SGSM2: variants seen among roughly 807,000 people sequenced by gnomAD.
SGSM2 encodes small G protein signaling modulator 2.
Under a neutral mutation model 126.6 loss-of-function variants are expected in SGSM2, and 89 were observed. The observed-to-expected ratio is 0.70, with a 90% CI of 0.59 to 0.84. SGSM2 has a LOEUF of 0.84. Ranked by LOEUF, SGSM2 falls within the 40% of genes least tolerant of loss-of-function variation. SGSM2 has a pLI of 0.00. For missense variants in SGSM2, 1,404 were observed against 1,416.6 expected (o/e 0.99, Z 0.14); for synonymous variants, 614 against 574.3 (o/e 1.07, Z -0.99).
At position 2,367,374 on chromosome 17, in the gene SGSM2, G is replaced by T. The variant is rs141943175; in HGVS notation, c.1392G>T (p.Ser464=). The T allele has an allele frequency of 1.1e-5, 18 of 1,614,072 alleles. No homozygotes were observed. In the African/African-American group the frequency reaches 2.1e-4, roughly 19 times the overall value. The change falls in exon 12 of 24, where the codon TCG becomes TCT. Residue 464 remains serine (S), a synonymous_variant. Transcript: ENST00000268989. The surrounding 1 kb of genome is among the most constrained non-coding windows in gnomAD (Gnocchi z 4.0). ...ACGCGATGCTCTCAATGATCTGCTCGCGGAACCTCACAGCTCCCAATCCGA... is the reference window on the plus strand; with the variant it reads ...ACGCGATGCTCTCAATGATCTGCTCTCGGAACCTCACAGCTCCCAATCCGA... ...KLHAMLSMIC[S]RNLTAPNPMK...
chr17:2,373,709 G>A (rs2065994861), intron 17 of SGSM2, 196 bp downstream of exon 17: 2 of 590,094 alleles, frequency 3.4e-6, no homozygotes, highest in Non-Finnish European at 6.0e-6. Context: ...GGTATTGTAG[G>A]AATAAAGTGA....
rs1284986733 is a variant in SGSM2, at chr17:2,371,618, T to A, written c.1577+203T>A. 21 of 605,824 alleles carry A rather than the reference T, an allele frequency of 3.5e-5. No individual in the cohort carries two copies. The East Asian group carries it at 6.6e-4, about 19-fold the overall frequency. 37.5% of individuals were successfully genotyped at this position (605,824 alleles called of 1,614,324 possible). A position where few individuals can be genotyped will look rare whatever the true frequency, so the allele number is the denominator to read the frequency against. On this transcript the variant is annotated intron_variant, in intron 13 of 23. Transcript: ENST00000268989. Reference sequence around the variant, plus strand: ...GCCTCTACGTTTCTGAACCTCAGTTTCCTCATCTGTAAAATGGGGATGATG... The same window carrying A: ...GCCTCTACGTTTCTGAACCTCAGTTACCTCATCTGTAAAATGGGGATGATG...
In SGSM2 at chr17:2,376,272, G is replaced by A; in HGVS notation, c.2609+11G>A. On this transcript the variant is annotated intron_variant, in intron 19 of 23. Coordinates refer to ENST00000268989, the MANE Select transcript of SGSM2 (RefSeq NM_014853.3). ...AGACGTCATGTGCAGGTGCCTTGTGGGGCGGGGCTCAGGGTGGGAGGCGGG... is the reference window on the plus strand; with the variant it reads ...AGACGTCATGTGCAGGTGCCTTGTGAGGCGGGGCTCAGGGTGGGAGGCGGG... 3 of 1,613,472 alleles carry A rather than the reference G, an allele frequency of 1.9e-6. No individual in the cohort carries two copies. Among genetic ancestry groups the A allele is most frequent in the Non-Finnish European group, 2.5e-6 (3 of 1,179,984 alleles).
Position 2,362,210 on chromosome 17 carries a change from G to T in SGSM2, c.398G>T (p.Arg133Leu). Reference protein sequence around the residue: ...SPQALKHVWVRTALIEKVLDK... With the variant: ...SPQALKHVWVLTALIEKVLDK... ...CAGGCCTTGAAACACGTATGGGTACGCACGGCGCTCATCGAGAAAGTTCTG... is the reference window on the plus strand; with the variant it reads ...CAGGCCTTGAAACACGTATGGGTACTCACGGCGCTCATCGAGAAAGTTCTG... Residue 133 changes from arginine (R) to leucine (L), a missense_variant, in exon 4 of 24, where the codon CGC becomes CTC. Physicochemically the swap from Arg to Leu is moderately radical, Grantham distance 102. Coordinates refer to ENST00000268989, the MANE Select transcript of SGSM2 (RefSeq NM_014853.3). The surrounding 1 kb of genome is among the most constrained non-coding windows in gnomAD (Gnocchi z 4.9). 1 of 1,613,742 alleles carries T rather than the reference G, an allele frequency of 6.2e-7. No homozygotes were observed.
rs755622217 is a variant in SGSM2, at chr17:2,375,840, G to A, written c.2449G>A (p.Glu817Lys). ...TCAGGCCGGAGAACTGGAGGCCGGA[G>A]AGGAGCTTGCGGCTGTGTGTGCGGC... ...KPQAGELEAGEELAAVCAAAY... is the reference protein window; with the variant it reads ...KPQAGELEAGKELAAVCAAAY... The change falls in exon 18 of 24, where the codon GAG (glutamate) becomes AAG (lysine). Residue 817 changes from glutamate (E) to lysine (K), a missense_variant. By Grantham distance (56) the Glu-to-Lys change is moderately conservative (BLOSUM62 1). Coordinates refer to ENST00000268989, the MANE Select transcript of SGSM2 (RefSeq NM_014853.3). The A allele has an allele frequency of 6.5e-7, 1 of 1,536,658 alleles. No individual in the cohort carries two copies.
In SGSM2 at chr17:2,380,702, C is replaced by T; in HGVS notation, c.*1182C>T. On this transcript the variant is annotated 3_prime_UTR_variant, in exon 24 of 24. Coordinates refer to ENST00000268989, the MANE Select transcript of SGSM2 (RefSeq NM_014853.3). ...CCCAACACATGCAGGCTAGGCCTTG[C>T]CCTGGAACATGGAGGCCCTGCCCGG... The T allele has an allele frequency of 3.7e-6, 1 of 269,448 alleles. No individual in the cohort carries two copies. The highest frequency in any genetic ancestry group is 1.0e-4 in the East Asian group (1 of 9,826). 16.7% of individuals were successfully genotyped at this position (269,448 alleles called of 1,614,324 possible).
At chr17:2,348,530 T>C (rs1284612712) in intron 2 of SGSM2, among the ~76,000 whole-genome samples, 1 of 152,096 alleles carries the variant, frequency 6.6e-6, no homozygotes, top group Non-Finnish European at 1.5e-5. Context: ...CCTCACTCTA[T>C]CTTGGGGCAT....
intron 2 of SGSM2, among the ~76,000 whole-genome samples, chr17:2,352,997 T>G (rs1333502833): frequency 6.6e-6 from 1 of 151,750 alleles, no homozygotes; most frequent in Non-Finnish European, 1.5e-5. Context: ...CAGGATGGTC[T>G]GGATCTCCTG....
At position 2,365,234 on chromosome 17, in the gene SGSM2, T is replaced by C; in HGVS notation, c.1181T>C (p.Leu394Pro). The C allele has an allele frequency of 6.2e-7, 1 of 1,612,592 alleles. No homozygotes were observed. Among genetic ancestry groups the C allele is most frequent in the South Asian group, 1.1e-5 (1 of 90,820 alleles). Residue 394 changes from leucine to proline, a missense_variant, in exon 11 of 24, where the codon CTA (leucine) becomes CCA (proline). Leu to Pro is a moderately conservative substitution (Grantham distance 98). Transcript: ENST00000268989. ...QQGKGKVFPK[L>P]RKRSSIRSVD... is the part of the protein sequence containing the mutation. Reference sequence around the variant, plus strand: ...CCACAGGGGAAAGTGTTCCCCAAGCTACGGAAACGAAGCAGCATTCGCTCC... The same window carrying C: ...CCACAGGGGAAAGTGTTCCCCAAGCCACGGAAACGAAGCAGCATTCGCTCC...
rs1349898227 is a variant in SGSM2, at chr17:2,373,095, G to C, written c.1917+14G>C. ...GAGATGGAGCAGGTGAGGGGAGCCTGTTCCCATGGGGCTGATGAGATGGGG... is the reference window on the plus strand; with the variant it reads ...GAGATGGAGCAGGTGAGGGGAGCCTCTTCCCATGGGGCTGATGAGATGGGG... On this transcript the variant is annotated intron_variant, in intron 16 of 23. Transcript: ENST00000268989. The C allele has an allele frequency of 6.3e-7, 1 of 1,596,334 alleles. No homozygotes were observed. Among genetic ancestry groups the C allele is most frequent in the Non-Finnish European group, 8.5e-7 (1 of 1,172,962 alleles).
intron 1 of SGSM2, among the ~76,000 whole-genome samples, chr17:2,338,365 T>G (rs976253393): frequency 6.6e-6 from 1 of 152,144 alleles, no homozygotes; most frequent in Non-Finnish European, 1.5e-5. Context: ...GCCCCCCTAC[T>G]TCAGAAAGAG....
chr17:2,380,251 G>T lies in SGSM2; in HGVS notation c.*731G>T, dbSNP rs2066357955. The T allele has an allele frequency of 6.5e-7, 1 of 1,535,866 alleles. No homozygotes were observed. Among genetic ancestry groups the T allele is most frequent in the Admixed American group, 2.0e-5 (1 of 50,966 alleles). The stretch of plus-strand genomic sequence containing the variant: ...GCCTCGCTCCTGCCACCCCACCCTT[G>T]CGTTCTGCATTAGGTACTTCCCTGA... On this transcript the variant is annotated 3_prime_UTR_variant, in exon 24 of 24. Coordinates refer to ENST00000268989, the MANE Select transcript of SGSM2 (RefSeq NM_014853.3).
At position 2,375,779 on chromosome 17, in the gene SGSM2, T is replaced by C; in HGVS notation, c.2388T>C (p.Thr796=). The change falls in exon 18 of 24, where the codon ACT becomes ACC. Residue 796 remains threonine (T), a synonymous_variant. Coordinates refer to ENST00000268989, the MANE Select transcript of SGSM2 (RefSeq NM_014853.3). ...GSSGPGPAAH[T]LREPQDPSQE... ...GTGGGCCCGGCCCTGCAGCTCACAC[T>C]TTGAGGGAGCCCCAGGATCCCAGCC... The C allele has an allele frequency of 6.3e-7, 1 of 1,586,648 alleles. No homozygotes were observed. Among genetic ancestry groups the C allele is most frequent in the Non-Finnish European group, 8.6e-7 (1 of 1,165,858 alleles).
intron 21 of SGSM2, 98 bp from the exon 22 acceptor site, chr17:2,377,759 G>A: frequency 1.3e-6 from 1 of 761,694 alleles, no homozygotes; most frequent in South Asian, 1.5e-5. Context: ...CCAGGTTGGG[G>A]ATCGCCTGCA....
At position 2,361,691 on chromosome 17, in the gene SGSM2, T is replaced by C. The variant is rs1419888165; in HGVS notation, c.188T>C (p.Leu63Pro). ...CTGAGACGCCGTGCCGCTGGCTTCC[T>C]GCGCAGTGACAAGATGGCAGCCCTG... Reference protein sequence around the residue: ...HQLRRRAAGFLRSDKMAALFT... With the variant: ...HQLRRRAAGFPRSDKMAALFT... Residue 63 changes from leucine (L) to proline (P), a missense_variant, in exon 3 of 24, where the codon CTG becomes CCG. Transcript: ENST00000268989. 3.7e-6 allele frequency: 6 copies of C among 1,613,908 alleles called. No homozygotes were observed. The Admixed American group carries it at 1.0e-4, about 27-fold the overall frequency.
chr17:2,370,252 C>G (rs1261094166), intron 12 of SGSM2, among the ~76,000 whole-genome samples: 2 of 152,268 alleles, frequency 1.3e-5, no homozygotes, highest in Non-Finnish European at 2.9e-5. Flanking sequence ...GCATCACCCC[C>G]CAGTGCTTCC....
Position 2,379,960 on chromosome 17 carries a change from AG to A in SGSM2, c.*441del. ...GTGTCCCTTCTGAGGGTCCCTTTGC[AG>A]TCCCAGTATATTGTGCGTGCACCAG... On this transcript the variant is annotated 3_prime_UTR_variant, in exon 24 of 24. Coordinates refer to ENST00000268989, the MANE Select transcript of SGSM2 (RefSeq NM_014853.3). The A allele has an allele frequency of 1.5e-6, 2 of 1,336,376 alleles. No homozygotes were observed. The highest frequency in any genetic ancestry group is 1.9e-6 in the Non-Finnish European group (2 of 1,043,090). The allele number at this position is 1,336,376 out of a possible 1,614,324, so 82.8% of individuals were successfully genotyped here.
intron 2 of SGSM2, among the ~76,000 whole-genome samples, chr17:2,350,234 A>G (rs2064791183): frequency 6.6e-6 from 1 of 151,834 alleles, no homozygotes. Flanking sequence ...GAATGTTTAT[A>G]TTCACATGGG....
In SGSM2 at chr17:2,371,388, C is replaced by T. The variant is rs148994910; in HGVS notation, c.1550C>T (p.Pro517Leu). The T allele has an allele frequency of 1.0e-4, 166 of 1,610,156 alleles. No homozygotes were observed. In the African/African-American group the frequency reaches 1.8e-3, roughly 17 times the overall value. Reference protein sequence around the residue: ...CSSSSSPHATPSHCSCIPDRL... With the variant: ...CSSSSSPHATLSHCSCIPDRL... The stretch of plus-strand genomic sequence containing the variant: ...TCCAGCAGCTCCCCACATGCAACCC[C>T]CAGCCACTGTAGCTGCATCCCCGAC... The change falls in exon 13 of 24, where the codon CCC becomes CTC. Residue 517 changes from proline (P) to leucine (L), a missense_variant. By Grantham distance (98) the Pro-to-Leu change is moderately conservative. Coordinates refer to ENST00000268989, the MANE Select transcript of SGSM2 (RefSeq NM_014853.3).
Sources: allele counts gnomAD v4.1 joint callset (sites outside exome capture counted in the v4.1 genomes callset), GRCh38; gene constraint gnomAD v4.1.1; non-coding constraint Gnocchi (gnomAD v3.1); transcripts MANE v1.5; gene names NCBI Gene and HGNC (gene_info 2026-07-23, HGNC 2026-07-21).